Variants in SUGCT observed in about 807,000 individuals in gnomAD.
The protein encoded by SUGCT is succinyl-CoA:glutarate-CoA transferase.
In SUGCT, 41 loss-of-function variants were observed where a neutral mutation model predicts 55.0. The observed-to-expected ratio is 0.74, with a 90% CI of 0.58 to 0.97. The LOEUF (loss-of-function observed/expected upper bound fraction) is 0.97. SUGCT is among the 50% of genes least tolerant of loss of function. SUGCT has a pLI of 0.00. For synonymous variants in SUGCT, 187 were observed against 200.4 expected (o/e 0.93, Z 0.56); for missense variants, 568 against 547.8 (o/e 1.04, Z -0.37).
At chr7:40,845,957 C>A in intron 13 of SUGCT, among the ~76,000 whole-genome samples, 1 of 152,136 alleles carries the variant, frequency 6.6e-6, no homozygotes, top group East Asian at 1.9e-4. Context: ...CTTTTCAAAG[C>A]TCATTTGAGG....
At chr7:40,409,454 C>A (rs1786553635) in intron 9 of SUGCT, among the ~76,000 whole-genome samples, 1 of 151,890 alleles carries the variant, frequency 6.6e-6, no homozygotes, top group Non-Finnish European at 1.5e-5. Flanking sequence ...GAGATGGGGT[C>A]TCACTCTGCT....
chr7:40,183,954 G>A (rs13230784), intron 3 of SUGCT, among the ~76,000 whole-genome samples: 4 of 152,050 alleles, frequency 2.6e-5, no homozygotes, highest in East Asian at 1.9e-4. Flanking sequence ...TGGGCGGATC[G>A]TTTGAGCCCA....
At chr7:40,735,821 G>T (rs1200139701) in intron 12 of SUGCT, among the ~76,000 whole-genome samples, 4 of 152,004 alleles carry the variant, frequency 2.6e-5, no homozygotes, top group Non-Finnish European at 4.4e-5. Context: ...TCATTTTTCT[G>T]GGGCTAGGAG....
intron 9 of SUGCT, among the ~76,000 whole-genome samples, chr7:40,345,785 T>C (rs1457198413): frequency 6.6e-6 from 1 of 152,150 alleles, no homozygotes; most frequent in Non-Finnish European, 1.5e-5. Flanking sequence ...GGTTTTCTAA[T>C]ATTACATTGT....
intron 12 of SUGCT, among the ~76,000 whole-genome samples, chr7:40,617,507 G>GTGTGTGTGTGTGTGTGTC (rs1799064119): frequency 6.6e-6 from 1 of 151,488 alleles, no homozygotes; most frequent in African/African-American, 2.4e-5. Flanking sequence ...GTGTGTGTGT[G>GTGTGTGTGTGTGTGTGTC]TGTGTGCATG....
chr7:40,587,650 T>C (rs1797462463), intron 12 of SUGCT, among the ~76,000 whole-genome samples: 1 of 152,188 alleles, frequency 6.6e-6, no homozygotes. Context: ...GATGTTTTAA[T>C]TAACATGATT....
chr7:40,876,192 G>C, the SUGCT span, among the ~76,000 whole-genome samples: 9 of 151,960 alleles, frequency 5.9e-5, no homozygotes, highest in African/African-American at 1.7e-4. Context: ...TCTGGGCAGG[G>C]GAATATTCCA....
intron 12 of SUGCT, among the ~76,000 whole-genome samples, chr7:40,645,234 GCTCT>G (rs1438378204): frequency 6.6e-6 from 1 of 152,068 alleles, no homozygotes; most frequent in Non-Finnish European, 1.5e-5. Flanking sequence ...TGTCCTCATC[GCTCT>G]TAGGGAGTTG....
chr7:40,835,439 A>G (rs1054996220), intron 13 of SUGCT, among the ~76,000 whole-genome samples: 1 of 152,226 alleles, frequency 6.6e-6, no homozygotes, highest in Admixed American at 6.5e-5. Flanking sequence ...GGCTCCTACA[A>G]GCACTTTCCC....
chr7:40,465,410 G>C (rs1248050866), intron 11 of SUGCT, among the ~76,000 whole-genome samples: 1 of 152,074 alleles, frequency 6.6e-6, no homozygotes, highest in African/African-American at 2.4e-5. Flanking sequence ...AGGAGTTCGA[G>C]ACCAGCCTGG....
intron 12 of SUGCT, among the ~76,000 whole-genome samples, chr7:40,557,902 T>C (rs1431605607): frequency 6.6e-6 from 1 of 152,122 alleles, no homozygotes; most frequent in African/African-American, 2.4e-5. Context: ...AGAACCTTTA[T>C]TGGTCAACAA....
the SUGCT span, among the ~76,000 whole-genome samples, chr7:41,023,266 G>A: frequency 6.6e-6 from 1 of 152,100 alleles, no homozygotes; most frequent in Non-Finnish European, 1.5e-5. Flanking sequence ...TTGATATGTT[G>A]GAGCCGTTTA....
the SUGCT span, among the ~76,000 whole-genome samples, chr7:40,903,032 C>A: frequency 1.4e-5 from 2 of 140,986 alleles, no homozygotes; most frequent in Non-Finnish European, 3.0e-5. Flanking sequence ...CTTTTCTTTT[C>A]TTTTCTTTTT....
At chr7:40,618,710 C>T (rs1446259007) in intron 12 of SUGCT, among the ~76,000 whole-genome samples, 1 of 152,162 alleles carries the variant, frequency 6.6e-6, no homozygotes, top group African/African-American at 2.4e-5. Flanking sequence ...ATGATTATCT[C>T]ATTTGACTTT....
At chr7:40,212,811 G>A (rs932761480) in intron 6 of SUGCT, among the ~76,000 whole-genome samples, 1 of 152,158 alleles carries the variant, frequency 6.6e-6, no homozygotes, top group African/African-American at 2.4e-5. Flanking sequence ...GGGATTACAG[G>A]TGTGAGCCAC....
intron 6 of SUGCT, among the ~76,000 whole-genome samples, chr7:40,227,876 ATATT>A (rs200147670): frequency 0.012 from 1,724 of 147,692 alleles, 34 homozygotes; most frequent in African/African-American, 0.043. Context: ...ATTTATTTAT[ATATT>A]TATTTATTTA....
chr7:40,210,634 G>C (rs188672705), intron 6 of SUGCT, among the ~76,000 whole-genome samples: 157 of 152,230 alleles, frequency 1.0e-3, no homozygotes, highest in African/African-American at 3.5e-3. Context: ...TGGAACGATG[G>C]TGAGCGCACA....
At chr7:40,606,005 G>A (rs992051992) in intron 12 of SUGCT, among the ~76,000 whole-genome samples, 3 of 152,104 alleles carry the variant, frequency 2.0e-5, no homozygotes, top group Non-Finnish European at 2.9e-5. Flanking sequence ...GTATTCAGTC[G>A]GAGAAGGCAA....
the SUGCT span, among the ~76,000 whole-genome samples, chr7:41,017,293 C>T: frequency 6.6e-6 from 1 of 152,124 alleles, no homozygotes; most frequent in Non-Finnish European, 1.5e-5. Flanking sequence ...TCCATATGAG[C>T]ATGAAGTTTC....
Sources: allele counts gnomAD v4.1 joint callset (sites outside exome capture counted in the v4.1 genomes callset), GRCh38; gene constraint gnomAD v4.1.1; transcripts MANE v1.5; gene names NCBI Gene and HGNC (gene_info 2026-07-23, HGNC 2026-07-21).